Variants in SOHLH1 observed in about 807,000 individuals in gnomAD.
SOHLH1 encodes the protein spermatogenesis and oogenesis specific basic helix-loop-helix 1, also known as spermatogenesis- and oogenesis-specific basic helix-loop-helix-containing protein 1.
A neutral mutation model predicts 36.2 loss-of-function variants in SOHLH1; 23 were observed. That is an observed-to-expected ratio of 0.64 (90% CI 0.46 to 0.90). The LOEUF is 0.90. SOHLH1 is among the 40% of genes least tolerant of loss of function. The probability of loss-of-function intolerance (pLI) is 0.00; values close to 1 mark genes in which losing one functional copy is unlikely to be tolerated. For missense variants in SOHLH1, 608 were observed against 517.0 expected, an observed-to-expected ratio of 1.18 and a Z score of -1.71; for synonymous variants, 289 against 228.3, an observed-to-expected ratio of 1.27 and a Z score of -2.40.
intron 4 of SOHLH1, 147 bp from the exon 5 acceptor site, chr9:135,696,952 C>T: frequency 1.1e-6 from 1 of 922,318 alleles, no homozygotes; most frequent in Non-Finnish European, 1.7e-6. Context: ...TGCCCAGGGG[C>T]CCTGGGCCAG....
chr9:135,696,590 C>A, intron 5 of SOHLH1, 22 bp downstream of exon 5: 2 of 1,611,034 alleles, frequency 1.2e-6, no homozygotes, highest in Non-Finnish European at 1.7e-6. Flanking sequence ...AAAGGCACCC[C>A]ACATGCACAC....
chr9:135,696,274 G>A (rs1324435417), intron 5 of SOHLH1, among the ~76,000 whole-genome samples: 3 of 152,104 alleles, frequency 2.0e-5, no homozygotes, highest in Admixed American at 6.5e-5. Context: ...CCAGGGAGGA[G>A]AAGATCAGGC....
intron 5 of SOHLH1, among the ~76,000 whole-genome samples, chr9:135,695,984 G>A (rs1834775782): frequency 1.3e-5 from 2 of 152,194 alleles, no homozygotes; most frequent in Non-Finnish European, 2.9e-5. Context: ...CAGATCTCCG[G>A]CCACATCCAA....
chr9:135,695,202 G>A lies in SOHLH1; in HGVS notation c.723C>T (p.Pro241=), dbSNP rs1177592161. ...GRSLPKAVRP[P]LSWPPFSQQQ... ...GCTGCGAGAACGGAGGCCAGGACAGGGGTGGCCTCACAGCCTTAGGAAGAC... is the reference window on the plus strand; with the variant it reads ...GCTGCGAGAACGGAGGCCAGGACAGAGGTGGCCTCACAGCCTTAGGAAGAC... The change falls in exon 6 of 8, where the codon CCC becomes CCT. Residue 241 remains proline (P), a synonymous_variant. Transcript: ENST00000425225. 3 of 1,605,322 alleles carry A rather than the reference G, an allele frequency of 1.9e-6. No individual in the cohort carries two copies. The highest frequency in any genetic ancestry group is 1.1e-5 in the South Asian group (1 of 89,200).
upstream of SOHLH1, chr9:135,699,500 C>A (rs548761518): frequency 6.2e-7 from 1 of 1,601,908 alleles, no homozygotes; most frequent in Admixed American, 1.7e-5. Flanking sequence ...CCCACGCGCA[C>A]GGCCCCTTCC....
At chr9:135,699,841 C>G (rs1284573758), upstream of SOHLH1, among the ~76,000 whole-genome samples, 1 of 152,078 alleles carries the variant, frequency 6.6e-6, no homozygotes, top group South Asian at 2.1e-4. Flanking sequence ...GAGATGCGGG[C>G]TCTGCCCTTA....
intron 2 of SOHLH1, among the ~76,000 whole-genome samples, chr9:135,698,752 A>C (rs1834909715): frequency 6.6e-6 from 1 of 152,232 alleles, no homozygotes; most frequent in African/African-American, 2.4e-5. Context: ...AGAGGCAGTC[A>C]GAAGCACAGA....
rs55660743 is a variant in SOHLH1, at chr9:135,697,078, G to A, written c.468-273C>T. On this transcript the variant is annotated intron_variant, in intron 4 of 7. Transcript: ENST00000425225. ...CCCAGCCTGCTTTGGGGTAAAATGG[G>A]TACATTTAAACACAAGATGCAGACA... Among the ~76,000 whole-genome samples, 539 of 152,300 alleles carry A rather than the reference G, an allele frequency of 3.5e-3. 5 individuals carry two copies. The highest frequency in any genetic ancestry group is 0.012 in the African/African-American group (494 of 41,560).
rs2131294331 is a variant in SOHLH1 at position 135,697,669 on chromosome 9, C to T, written c.346-42G>A. 3 of 1,594,806 alleles carry T rather than the reference C, an allele frequency of 1.9e-6. No individual in the cohort carries two copies. The East Asian group carries it at 6.8e-5, about 36-fold the overall frequency. On this transcript the variant is annotated intron_variant, in intron 3 of 7. Transcript: ENST00000425225. Reference sequence around the variant, plus strand: ...CATGTAAAACAAAGACAGAGACAGTCAGCTGAGAAACCCAAGACACGGTGA... The same window carrying T: ...CATGTAAAACAAAGACAGAGACAGTTAGCTGAGAAACCCAAGACACGGTGA...
At chr9:135,696,983 C>T (rs1834828491) in intron 4 of SOHLH1, among the ~76,000 whole-genome samples, 178 bp from the exon 5 acceptor site, 1 of 152,152 alleles carries the variant, frequency 6.6e-6, no homozygotes, top group Non-Finnish European at 1.5e-5. Context: ...CAGCTGTCTA[C>T]CCAGTTTCCC....
intron 4 of SOHLH1, 105 bp downstream of exon 4, chr9:135,697,401 G>A (rs1834847133): frequency 1.3e-6 from 2 of 1,524,176 alleles, no homozygotes; most frequent in Admixed American, 1.8e-5. Flanking sequence ...CGGAGGCCAA[G>A]CCGGGCCTCC....
At chr9:135,694,210 C>A in intron 7 of SOHLH1, 177 bp downstream of exon 7, 1 of 1,457,784 alleles carries the variant, frequency 6.9e-7, no homozygotes. Flanking sequence ...TCACATATCA[C>A]CTATAACGCT....
At chr9:135,694,826 C>T (rs1445208665) in intron 6 of SOHLH1, among the ~76,000 whole-genome samples, 1 of 150,226 alleles carries the variant, frequency 6.7e-6, no homozygotes, top group Non-Finnish European at 1.5e-5. Flanking sequence ...ATTAGGAAGA[C>T]AAAAGTGTTT....
At chr9:135,697,971 CCT>C (rs1444377030) in intron 3 of SOHLH1, among the ~76,000 whole-genome samples, 1 of 38,258 alleles carries the variant, frequency 2.6e-5, no homozygotes, top group Non-Finnish European at 8.8e-5. Context: ...GGGAGAGGAG[CCT>C]CTCTCTTGGA....
At chr9:135,694,330 A>C in intron 7 of SOHLH1, 57 bp downstream of exon 7, 1 of 1,611,288 alleles carries the variant, frequency 6.2e-7, no homozygotes, top group Non-Finnish European at 8.5e-7. Context: ...CCAATTCCCC[A>C]GCTCATATCA....
chr9:135,698,368 C>T lies in SOHLH1; in HGVS notation c.306G>A (p.Arg102=), dbSNP rs2131296101. Residue 102 remains arginine (R), a synonymous_variant, in exon 3 of 8, where the codon CGG becomes CGA. Coordinates refer to ENST00000425225, the MANE Select transcript of SOHLH1 (RefSeq NM_001101677.2). ...GACTGGGCCCCAGGGCGCTGGCAAG[C>T]CGCAGGAACTGCACAGACATCTCCA... The part of the protein sequence containing the change: ...SVLEMSVQFL[R]LASALGPSQE... The T allele has an allele frequency of 6.2e-7, 1 of 1,613,114 alleles. No homozygotes were observed. Among genetic ancestry groups the T allele is most frequent in the East Asian group, 2.2e-5 (1 of 44,882 alleles).
At chr9:135,694,493 C>G in intron 6 of SOHLH1, 36 bp from the exon 7 acceptor site, 1 of 1,609,442 alleles carries the variant, frequency 6.2e-7, no homozygotes, top group Non-Finnish European at 8.5e-7. Context: ...TGGCCACAAG[C>G]GGACCCAGAC....
chr9:135,693,563 C>A lies in SOHLH1; in HGVS notation c.*34G>T. ...GGGACACACACGGCTCCAGATCCAC[C>A]GGCCCCGCCCGCCTCCTCTCCACAG... On this transcript the variant is annotated 3_prime_UTR_variant, in exon 8 of 8. Transcript: ENST00000425225. 6.5e-7 allele frequency: 1 copy of A among 1,529,406 alleles called. No homozygotes were observed. Among genetic ancestry groups the A allele is most frequent in the East Asian group, 2.5e-5 (1 of 40,492 alleles). 94.7% of individuals were successfully genotyped at this position (1,529,406 alleles called of 1,614,324 possible). A position where few individuals can be genotyped will look rare whatever the true frequency, so the allele number is the denominator to read the frequency against.
intron 2 of SOHLH1, among the ~76,000 whole-genome samples, chr9:135,698,708 G>A (rs1385357624): frequency 6.6e-6 from 1 of 152,200 alleles, no homozygotes; most frequent in East Asian, 1.9e-4. Context: ...CCAAACCATG[G>A]CTGCTTTGCG....
Sources: allele counts gnomAD v4.1 joint callset (sites outside exome capture counted in the v4.1 genomes callset), GRCh38; gene constraint gnomAD v4.1.1; transcripts MANE v1.5; gene names NCBI Gene and HGNC (gene_info 2026-07-23, HGNC 2026-07-21).